The following MYH11 variants were observed in gnomAD, a reference collection of about 807,000 sequenced individuals.
The protein encoded by MYH11 is myosin-11.
Under a neutral mutation model 246.6 loss-of-function variants are expected in MYH11, and 80 were observed. The observed-to-expected ratio is 0.32, with a 90% CI of 0.27 to 0.39. MYH11 has a LOEUF of 0.39. Ranked by LOEUF, MYH11 falls within the 10% of genes least tolerant of loss-of-function variation. MYH11 has a pLI of 1.00. For missense variants in MYH11, 2,158 were observed against 2,546.8 expected (o/e 0.85, Z 3.29); for synonymous variants, 1,071 against 1,015.5 (o/e 1.05, Z -1.04).
At chr16:15,722,477 G>A (rs1469102092) in intron 31 of MYH11, among the ~76,000 whole-genome samples, 2 of 152,178 alleles carry the variant, frequency 1.3e-5, no homozygotes. Context: ...AGCAAAGACA[G>A]GGACCTCTAA....
At chr16:15,734,908 A>G (rs2041069675) in intron 26 of MYH11, among the ~76,000 whole-genome samples, 1 of 152,158 alleles carries the variant, frequency 6.6e-6, no homozygotes, top group Admixed American at 6.6e-5. Flanking sequence ...GGTCGGGTGC[A>G]GTGGCTCACA....
rs1406127565 is a variant in MYH11 at position 15,740,033 on chromosome 16, C to T, written c.2997+18G>A. 6.8e-6 allele frequency: 11 copies of T among 1,613,306 alleles called. No homozygotes were observed. In the East Asian group the frequency reaches 1.8e-4, roughly 26 times the overall value. ...CTCGGATTATAGGCGTGAGCCACTG[C>T]ACCCGGCCCCTACTCACTTTTGATA... On this transcript the variant is annotated intron_variant, in intron 23 of 40. Transcript: ENST00000300036.
chr16:15,753,616 G>A, intron 14 of MYH11, 108 bp from the exon 15 acceptor site: 1 of 865,124 alleles, frequency 1.2e-6, no homozygotes. Context: ...TGAGGTCAGA[G>A]AGGAAATGAC....
chr16:15,830,864 G>C (rs1216198882), intron 2 of MYH11, among the ~76,000 whole-genome samples: 1 of 151,972 alleles, frequency 6.6e-6, no homozygotes, highest in Non-Finnish European at 1.5e-5. Context: ...GTGACAGAGT[G>C]AGACTTTATC....
chr16:15,709,269 C>T (rs982089630), intron 40 of MYH11, among the ~76,000 whole-genome samples: 8 of 151,750 alleles, frequency 5.3e-5, no homozygotes, highest in Admixed American at 3.3e-4. Context: ...CTTAAGTCAA[C>T]GTTGCAGTGA....
chr16:15,769,594 AT>A (rs2042054786), intron 9 of MYH11, among the ~76,000 whole-genome samples: 2 of 151,634 alleles, frequency 1.3e-5, no homozygotes, highest in Non-Finnish European at 2.9e-5. Flanking sequence ...CACCCAGTTA[AT>A]TTTTTGTATT....
At chr16:15,802,037 T>C (rs1458102348) in intron 3 of MYH11, among the ~76,000 whole-genome samples, 1 of 152,134 alleles carries the variant, frequency 6.6e-6, no homozygotes, top group Admixed American at 6.6e-5. Flanking sequence ...AAGACCTACT[T>C]TCACCCATTC....
chr16:15,725,114 C>G lies in MYH11; in HGVS notation c.3859-122G>C, dbSNP rs12927605. On this transcript the variant is annotated intron_variant, in intron 28 of 40. Transcript: ENST00000300036. Reference sequence around the variant, plus strand: ...GGTGTTCACTGATTGAGAAAATACCCGTGAGGTATGGGACTCTGATAAAAA... The same window carrying G: ...GGTGTTCACTGATTGAGAAAATACCGGTGAGGTATGGGACTCTGATAAAAA... The G allele has an allele frequency of 5.3e-3, 4,005 of 757,712 alleles. 55 individuals are homozygous for G. Among genetic ancestry groups the G allele is most frequent in the South Asian group, 0.023 (1,580 of 67,668 alleles). The allele number at this position is 757,712 out of a possible 1,614,324, so 46.9% of individuals were successfully genotyped here. A position where few individuals can be genotyped will look rare whatever the true frequency, so the allele number is the denominator to read the frequency against.
intron 9 of MYH11, among the ~76,000 whole-genome samples, chr16:15,770,503 C>CA: frequency 6.6e-6 from 1 of 152,174 alleles, no homozygotes; most frequent in East Asian, 1.9e-4. Context: ...TCTCAAGACC[C>CA]AGTGTGTTTC....
At chr16:15,758,985 G>A (rs1244959539) in intron 12 of MYH11, among the ~76,000 whole-genome samples, 8 of 148,604 alleles carry the variant, frequency 5.4e-5, no homozygotes, top group African/African-American at 1.7e-4. Context: ...AACAAGACAA[G>A]ACAAAAAAAA....
At chr16:15,780,028 G>C (rs2042309713) in intron 6 of MYH11, among the ~76,000 whole-genome samples, 1 of 152,224 alleles carries the variant, frequency 6.6e-6, no homozygotes, top group Non-Finnish European at 1.5e-5. Flanking sequence ...TGGAGCCAGG[G>C]AGAGCCGGCT....
At chr16:15,856,339 A>AAG (rs2044469720) in intron 1 of MYH11, among the ~76,000 whole-genome samples, 1 of 151,292 alleles carries the variant, frequency 6.6e-6, no homozygotes, top group Non-Finnish European at 1.5e-5. Flanking sequence ...TGATTAAAAA[A>AAG]AAAAAACAAC....
At chr16:15,747,223 A>G (rs1383223331) in intron 19 of MYH11, among the ~76,000 whole-genome samples, 1 of 152,178 alleles carries the variant, frequency 6.6e-6, no homozygotes, top group Non-Finnish European at 1.5e-5. Context: ...GTCATGCGTT[A>G]TCTTAGTGAC....
chr16:15,840,271 C>T (rs1268993561), intron 1 of MYH11, among the ~76,000 whole-genome samples: 9 of 152,000 alleles, frequency 5.9e-5, no homozygotes, highest in Non-Finnish European at 7.4e-5. Context: ...AATATTACAT[C>T]GTTTCCAAGA....
At chr16:15,774,853 T>C (rs545344388) in intron 8 of MYH11, among the ~76,000 whole-genome samples, 1 of 152,314 alleles carries the variant, frequency 6.6e-6, no homozygotes, top group African/African-American at 2.4e-5. Context: ...CCTCCGAAAG[T>C]GTGGGATTAC....
chr16:15,808,733 AT>A (rs1165363171), intron 3 of MYH11, among the ~76,000 whole-genome samples: 1 of 151,638 alleles, frequency 6.6e-6, no homozygotes, highest in Non-Finnish European at 1.5e-5. Flanking sequence ...TGAAAAAAAA[AT>A]TTTTTTTAAT....
At chr16:15,814,966 A>G (rs1304416766) in intron 3 of MYH11, among the ~76,000 whole-genome samples, 2 of 152,248 alleles carry the variant, frequency 1.3e-5, no homozygotes, top group African/African-American at 4.8e-5. Context: ...CTTTTCAACT[A>G]GACCCTCAAA....
intron 1 of MYH11, among the ~76,000 whole-genome samples, chr16:15,853,677 G>A (rs1359148624): frequency 5.3e-5 from 8 of 152,160 alleles, no homozygotes; most frequent in Non-Finnish European, 1.0e-4. Flanking sequence ...GGTCAGGAGT[G>A]GAAGGAGAAG....
intron 6 of MYH11, among the ~76,000 whole-genome samples, chr16:15,780,334 A>C (rs1202627986): frequency 6.6e-6 from 1 of 151,934 alleles, no homozygotes; most frequent in Admixed American, 6.6e-5. Flanking sequence ...TCCTGCAATG[A>C]CCTGGAGAGT....
Sources: gnomAD v4.1 joint callset for allele counts (sites outside exome capture counted in the v4.1 genomes callset) on GRCh38, gnomAD v4.1.1 for gene constraint, MANE v1.5 for transcripts, NCBI Gene and HGNC (gene_info 2026-07-23, HGNC 2026-07-21) for gene names.